Variants in AS3MT observed in about 807,000 individuals in gnomAD.
The protein encoded by AS3MT is arsenite methyltransferase, also known as S-adenosyl-L-methionine:arsenic(III) methyltransferase.
A neutral mutation model predicts 45.3 loss-of-function variants in AS3MT; 47 were observed. That is an observed-to-expected ratio of 1.04 (90% CI 0.82 to 1.32). The LOEUF is 1.32. Ranked by LOEUF, AS3MT falls within the 40% of genes most tolerant of loss-of-function variation. The pLI is 0.00. For missense variants in AS3MT, 396 were observed against 451.1 expected, an observed-to-expected ratio of 0.88 and a Z score of 1.11; for synonymous variants, 141 against 152.8, an observed-to-expected ratio of 0.92 and a Z score of 0.57.
At chr10:102,885,250 T>C (rs1022649020) in intron 9 of AS3MT, among the ~76,000 whole-genome samples, 8 of 152,096 alleles carry the variant, frequency 5.3e-5, no homozygotes, top group Admixed American at 5.2e-4. Context: ...CTTTTTGAGG[T>C]TGGCTTATTT....
At chr10:102,885,033 T>C (rs909796288) in intron 9 of AS3MT, among the ~76,000 whole-genome samples, 2 of 152,178 alleles carry the variant, frequency 1.3e-5, no homozygotes, top group African/African-American at 4.8e-5. Flanking sequence ...AAATATACAA[T>C]AGATTATTGT....
At chr10:102,893,495 CT>C (rs35072963) in intron 10 of AS3MT, among the ~76,000 whole-genome samples, 127 of 106,176 alleles carry the variant, frequency 1.2e-3, no homozygotes, top group Non-Finnish European at 1.6e-3. Context: ...ATTTTTTTTT[CT>C]TTTTTTTTTT....
At chr10:102,895,198 CT>C (rs112372288) in intron 10 of AS3MT, among the ~76,000 whole-genome samples, 4,806 of 143,532 alleles carry the variant, frequency 0.033, 92 homozygotes, top group Non-Finnish European at 0.047. Flanking sequence ...TATTTTAGTT[CT>C]TTTTTTTTTT....
intron 10 of AS3MT, among the ~76,000 whole-genome samples, chr10:102,896,560 G>A (rs1845175384): frequency 6.6e-6 from 1 of 151,924 alleles, no homozygotes; most frequent in Non-Finnish European, 1.5e-5. Flanking sequence ...TGTAATCCCA[G>A]CACTTTGGGA....
Position 102,890,692 on chromosome 10 carries a change from TCA to T in AS3MT, c.1020+16_1020+17del. On this transcript the variant is annotated intron_variant, in intron 10 of 10. Transcript: ENST00000369880. ...TTGGAGTTAAAGGTTAGTTTGGCTTTCACTACCTGAGAGAACTATTTTATTTA... is the reference window on the plus strand; with the variant it reads ...TTGGAGTTAAAGGTTAGTTTGGCTTTCTACCTGAGAGAACTATTTTATTTA... 1 of 1,599,342 alleles carries T rather than the reference TCA, an allele frequency of 6.3e-7. No homozygotes were observed. The highest frequency in any genetic ancestry group is 8.5e-7 in the Non-Finnish European group (1 of 1,175,758).
intron 3 of AS3MT, among the ~76,000 whole-genome samples, 156 bp from the exon 4 acceptor site, chr10:102,872,292 T>G (rs1844704503): frequency 6.6e-6 from 1 of 151,930 alleles, no homozygotes; most frequent in Admixed American, 6.6e-5. Flanking sequence ...TCCAGTTCAG[T>G]GGAGACTAAA....
At position 102,876,880 on chromosome 10, in the gene AS3MT, T is replaced by A. The variant is rs1004089439; in HGVS notation, c.529-74T>A. 5 of 1,423,806 alleles carry A rather than the reference T, an allele frequency of 3.5e-6. No homozygotes were observed. In the Admixed American group the frequency reaches 7.0e-5, roughly 20 times the overall value. 88.2% of individuals were successfully genotyped at this position (1,423,806 alleles called of 1,614,324 possible). Reference sequence around the variant, plus strand: ...ATTTTTAAATTTGATTTTGTTCCCCTATTCCTTTCTTTGTTATGTGGGGTC... The same window carrying A: ...ATTTTTAAATTTGATTTTGTTCCCCAATTCCTTTCTTTGTTATGTGGGGTC... On this transcript the variant is annotated intron_variant, in intron 6 of 10. Coordinates refer to ENST00000369880, the MANE Select transcript of AS3MT (RefSeq NM_020682.4).
intron 9 of AS3MT, among the ~76,000 whole-genome samples, chr10:102,890,067 C>T (rs533576928): frequency 3.4e-5 from 5 of 148,628 alleles, no homozygotes; most frequent in African/African-American, 5.0e-5. Context: ...GTGGCACGAT[C>T]TCGGCTCACT....
intron 7 of AS3MT, among the ~76,000 whole-genome samples, chr10:102,877,953 G>C (rs1365801963): frequency 6.6e-6 from 1 of 151,822 alleles, no homozygotes; most frequent in Non-Finnish European, 1.5e-5. Flanking sequence ...GGGTTTCACT[G>C]TGTTGGCCAG....
chr10:102,887,973 AT>A, intron 9 of AS3MT: 1 of 156,182 alleles, frequency 6.4e-6, no homozygotes. Flanking sequence ...TTGGTGAGAT[AT>A]TTCAAATACC....
intron 5 of AS3MT, 29 bp downstream of exon 5, chr10:102,873,262 A>G (rs1844723914): frequency 2.0e-6 from 3 of 1,464,954 alleles, no homozygotes; most frequent in East Asian, 2.6e-5. Context: ...TGTTATGACT[A>G]TAGCCCATTT....
chr10:102,878,575 A>G, intron 8 of AS3MT, 65 bp downstream of exon 8: 1 of 1,575,488 alleles, frequency 6.3e-7, no homozygotes, highest in Non-Finnish European at 8.7e-7. Flanking sequence ...TGTGGTGATT[A>G]GTAAGTAACT....
At chr10:102,889,618 T>TCCTC (rs1554884648) in intron 9 of AS3MT, among the ~76,000 whole-genome samples, 3 of 95,034 alleles carry the variant, frequency 3.2e-5, no homozygotes, top group Non-Finnish European at 6.8e-5. Flanking sequence ...CTGCCTGCCT[T>TCCTC]CCTTCCTTCC....
chr10:102,870,766 TC>T (rs1844666911), intron 3 of AS3MT, among the ~76,000 whole-genome samples: 1 of 152,090 alleles, frequency 6.6e-6, no homozygotes, highest in Admixed American at 6.5e-5. Flanking sequence ...TGGAAGGTCT[TC>T]CCTTTTCTTT....
chr10:102,872,963 G>T (rs35348971), intron 4 of AS3MT, 134 bp from the exon 5 acceptor site: 5 of 757,894 alleles, frequency 6.6e-6, no homozygotes, highest in Non-Finnish European at 1.0e-5. Context: ...TATATCCTAC[G>T]TGTCCACAGG....
chr10:102,890,291 C>T (rs1000923160), intron 9 of AS3MT, among the ~76,000 whole-genome samples: 1 of 152,018 alleles, frequency 6.6e-6, no homozygotes, highest in Non-Finnish European at 1.5e-5. Context: ...TGTGAGCCAC[C>T]GCGCCTGGCC....
chr10:102,873,270 T>C (rs766401080), intron 5 of AS3MT, 37 bp downstream of exon 5: 3 of 1,407,538 alleles, frequency 2.1e-6, no homozygotes, highest in Non-Finnish European at 2.8e-6. Flanking sequence ...CTATAGCCCA[T>C]TTTCTTTATT....
chr10:102,899,207 G>T (rs538747984), intron 10 of AS3MT, among the ~76,000 whole-genome samples: 24 of 152,252 alleles, frequency 1.6e-4, no homozygotes, highest in Non-Finnish European at 3.2e-4. Context: ...GGCCAGGCTG[G>T]TCTCGAACTC....
intron 9 of AS3MT, among the ~76,000 whole-genome samples, chr10:102,886,728 A>G (rs1244760017): frequency 1.3e-5 from 2 of 152,034 alleles, no homozygotes; most frequent in African/African-American, 2.4e-5. Context: ...GGCTCAGGCA[A>G]TCCTCCTACC....
Sources: gnomAD v4.1 joint callset for allele counts (sites outside exome capture counted in the v4.1 genomes callset) on GRCh38, gnomAD v4.1.1 for gene constraint, MANE v1.5 for transcripts, NCBI Gene and HGNC (gene_info 2026-07-23, HGNC 2026-07-21) for gene names.